Variants in MOB4 observed in about 807,000 individuals in gnomAD.
The protein encoded by MOB4 is MOB-like protein phocein.
Under a neutral mutation model 32.2 loss-of-function variants are expected in MOB4, and 4 were observed. The ratio of observed to expected loss-of-function variants is 0.12; its 90% CI spans 0.06 to 0.28. MOB4 has a LOEUF of 0.28. Ranked by LOEUF, MOB4 falls within the 10% of genes least tolerant of loss-of-function variation. MOB4 has a pLI of 1.00. For synonymous variants in MOB4, 88 were observed against 88.1 expected (o/e 1.00, Z 0.01); for missense variants, 158 against 271.2 (o/e 0.58, Z 2.93).
intron 1 of MOB4, among the ~76,000 whole-genome samples, chr2:197,518,023 C>G (rs780285359): frequency 1.1e-3 from 172 of 151,858 alleles, no homozygotes; most frequent in Non-Finnish European, 2.1e-3. Context: ...CGCCTGTAAT[C>G]CCAGCCACTC....
In MOB4 at chr2:197,552,861, A is replaced by G. The variant is rs1432249750; in HGVS notation, c.*2215A>G. On this transcript the variant is annotated 3_prime_UTR_variant, in exon 8 of 8. Transcript: ENST00000323303. ...GGGGAACAAGACAGTTCTGTGTGAT[A>G]AGGAAGTTAGGCTCCACTTTTTGTT... is the stretch of plus-strand genomic sequence containing the variant. The G allele has an allele frequency of 6.6e-6, 1 of 152,294 alleles. No individual in the cohort carries two copies. The highest frequency in any genetic ancestry group is 1.5e-5 in the Non-Finnish European group (1 of 68,030). The allele number at this position is 152,294 out of a possible 1,614,324, so 9.4% of individuals were successfully genotyped here.
chr2:197,526,989 A>C (rs2086621595), intron 2 of MOB4, among the ~76,000 whole-genome samples: 1 of 152,024 alleles, frequency 6.6e-6, no homozygotes, highest in South Asian at 2.1e-4. Context: ...AGAATTTTGC[A>C]ATGTTGCCCA....
At chr2:197,527,041 G>C (rs142539525) in intron 2 of MOB4, among the ~76,000 whole-genome samples, 1 of 151,660 alleles carries the variant, frequency 6.6e-6, no homozygotes, top group Non-Finnish European at 1.5e-5. Context: ...CTCTTGCCTC[G>C]GCTGGGATTA....
At chr2:197,532,559 G>A (rs959101076) in intron 2 of MOB4, among the ~76,000 whole-genome samples, 2 of 152,050 alleles carry the variant, frequency 1.3e-5, no homozygotes, top group South Asian at 2.1e-4. Flanking sequence ...GTGGGCGCAC[G>A]CCTGTAATCC....
chr2:197,523,540 T>A (rs2086558365), intron 1 of MOB4, 84 bp from the exon 2 acceptor site: 3 of 1,384,152 alleles, frequency 2.2e-6, no homozygotes, highest in Non-Finnish European at 3.0e-6. Context: ...TCCCCTCTAG[T>A]GTGAGCTTTG....
At chr2:197,543,269 A>G (rs1035802040) in intron 5 of MOB4, among the ~76,000 whole-genome samples, 1 of 152,140 alleles carries the variant, frequency 6.6e-6, no homozygotes, top group African/African-American at 2.4e-5. Context: ...ACTCCAGCCT[A>G]TGTGACAGAG....
rs183362933 is a variant in MOB4 at position 197,530,109 on chromosome 2, A to G, written c.124-5421A>G. Among the ~76,000 whole-genome samples the G allele has an allele frequency of 1.8e-3, 279 of 152,116 alleles. 1 individual carries two copies. The highest frequency in any genetic ancestry group is 3.0e-3 in the Non-Finnish European group (205 of 68,010). On this transcript the variant is annotated intron_variant, in intron 2 of 7. Transcript: ENST00000323303. ...GTCAGCCTCCCTAGTAGCTGGGATA[A>G]CAGGCGCCTGCCACCGTGTCTGGCT...
chr2:197,550,451 T>C, intron 7 of MOB4, 64 bp from the exon 8 acceptor site: 1 of 1,586,360 alleles, frequency 6.3e-7, no homozygotes, highest in East Asian at 2.2e-5. Context: ...TATATTGATG[T>C]TATTTCTAGT....
intron 2 of MOB4, among the ~76,000 whole-genome samples, chr2:197,528,789 T>A (rs1017199827): frequency 6.6e-6 from 1 of 151,368 alleles, no homozygotes; most frequent in African/African-American, 2.4e-5. Flanking sequence ...CTAATTTTTT[T>A]GTATTTTTAG....
intron 1 of MOB4, 86 bp downstream of exon 1, chr2:197,516,232 G>T: frequency 6.6e-7 from 1 of 1,523,402 alleles, no homozygotes; most frequent in Admixed American, 2.2e-5. Flanking sequence ...GGGGAGGTTG[G>T]GCCGAGGCGG....
chr2:197,548,455 G>T, intron 6 of MOB4, 40 bp downstream of exon 6: 1 of 859,124 alleles, frequency 1.2e-6, no homozygotes, highest in Non-Finnish European at 1.6e-6. Context: ...ACATTTTAGA[G>T]TTAATTTATA....
In MOB4 at chr2:197,516,391, A is replaced by G. The variant is rs1050239518; in HGVS notation, c.60+245A>G. On this transcript the variant is annotated intron_variant, in intron 1 of 7. Coordinates refer to ENST00000323303, the MANE Select transcript of MOB4 (RefSeq NM_015387.5). The stretch of plus-strand genomic sequence containing the variant: ...GGGGCGGGTGGGGTCTGCTGGTGGT[A>G]CCTGCCTGCCGAAGCCCTGGGCTGC... 1,233 of 1,406,592 alleles carry G rather than the reference A, an allele frequency of 8.8e-4. 1 individual carries two copies. The highest frequency in any genetic ancestry group is 1.3e-3 in the South Asian group (85 of 66,228). The allele number at this position is 1,406,592 out of a possible 1,614,324, so 87.1% of individuals were successfully genotyped here.
chr2:197,548,623 A>C (rs1194027854), intron 6 of MOB4, among the ~76,000 whole-genome samples: 1 of 152,178 alleles, frequency 6.6e-6, no homozygotes, highest in Non-Finnish European at 1.5e-5. Flanking sequence ...TTAAAGTATA[A>C]ATAATAATAA....
intron 1 of MOB4, among the ~76,000 whole-genome samples, chr2:197,518,426 C>T (rs562604453): frequency 1.3e-5 from 2 of 151,942 alleles, no homozygotes; most frequent in East Asian, 2.0e-4. Flanking sequence ...CGTGCCACCA[C>T]GCCCAGCTAA....
intron 2 of MOB4, among the ~76,000 whole-genome samples, chr2:197,528,773 C>CGTG (rs2086651773): frequency 6.6e-6 from 1 of 151,100 alleles, no homozygotes; most frequent in Admixed American, 6.6e-5. Context: ...CCGCCATCAC[C>CGTG]CCCGGCTAAT....
At chr2:197,532,756 A>C (rs1415080167) in intron 2 of MOB4, among the ~76,000 whole-genome samples, 1 of 152,046 alleles carries the variant, frequency 6.6e-6, no homozygotes, top group Non-Finnish European at 1.5e-5. Flanking sequence ...CATGAAAGTA[A>C]GTGTTAGTAA....
Position 197,540,519 on chromosome 2 carries a change from G to A in MOB4, c.354+82G>A, listed in dbSNP as rs2086878721. On this transcript the variant is annotated intron_variant, in intron 5 of 7. Coordinates refer to ENST00000323303, the MANE Select transcript of MOB4 (RefSeq NM_015387.5). Reference sequence around the variant, plus strand: ...AAGACAATGTTAGACAAGTTTTTAGGGTTTTTAGTTCACTGTTCATTTTGC... The same window carrying A: ...AAGACAATGTTAGACAAGTTTTTAGAGTTTTTAGTTCACTGTTCATTTTGC... 3 of 1,299,254 alleles carry A rather than the reference G, an allele frequency of 2.3e-6. No individual in the cohort carries two copies. In the Admixed American group the frequency reaches 8.7e-5, roughly 38 times the overall value. 80.5% of individuals were successfully genotyped at this position (1,299,254 alleles called of 1,614,324 possible).
intron 1 of MOB4, among the ~76,000 whole-genome samples, chr2:197,517,718 G>T (rs1574620271): frequency 6.6e-6 from 1 of 152,070 alleles, no homozygotes; most frequent in East Asian, 1.9e-4. Context: ...GAAAAAGACT[G>T]CTTACGCCGT....
chr2:197,535,383 A>T, intron 2 of MOB4, 147 bp from the exon 3 acceptor site: 1 of 593,748 alleles, frequency 1.7e-6, no homozygotes. Context: ...TTAGTTACTG[A>T]TTATGATTCT....
Sources: allele counts gnomAD v4.1 joint callset (sites outside exome capture counted in the v4.1 genomes callset), GRCh38; gene constraint gnomAD v4.1.1; transcripts MANE v1.5; gene names NCBI Gene and HGNC (gene_info 2026-07-23, HGNC 2026-07-21).